Variants in DOCK3 observed in about 807,000 individuals in gnomAD.
DOCK3 encodes dedicator of cytokinesis protein 3.
Under a neutral mutation model 265.6 loss-of-function variants are expected in DOCK3, and 60 were observed. The ratio of observed to expected loss-of-function variants is 0.23; its 90% CI spans 0.18 to 0.28. The LOEUF (loss-of-function observed/expected upper bound fraction) is 0.28. Ranked by LOEUF, DOCK3 falls within the 10% of genes least tolerant of loss-of-function variation. The pLI is 1.00. For missense variants in DOCK3, 1,981 were observed against 2,594.3 expected, an observed-to-expected ratio of 0.76 and a Z score of 5.14; for synonymous variants, 881 against 938.0, an observed-to-expected ratio of 0.94 and a Z score of 1.11.
At chr3:50,821,707 A>G (rs1006518910) in intron 2 of DOCK3, among the ~76,000 whole-genome samples, 6 of 152,224 alleles carry the variant, frequency 3.9e-5, no homozygotes, top group African/African-American at 1.2e-4. Flanking sequence ...ATTCTTCTGC[A>G]TATGGCTAGG....
At chr3:51,034,727 C>A (rs921166951) in intron 5 of DOCK3, among the ~76,000 whole-genome samples, 1 of 151,936 alleles carries the variant, frequency 6.6e-6, no homozygotes, top group African/African-American at 2.4e-5. Flanking sequence ...TGGAGTTTCC[C>A]CTTGGGAAAG....
At chr3:51,083,503 G>C (rs1165484598) in intron 7 of DOCK3, among the ~76,000 whole-genome samples, 1 of 152,066 alleles carries the variant, frequency 6.6e-6, no homozygotes, top group African/African-American at 2.4e-5. Context: ...GATTAAAGAA[G>C]CTCAGTGAGA....
At chr3:51,283,531 AACAG>A (rs1279104482) in intron 27 of DOCK3, among the ~76,000 whole-genome samples, 2 of 152,322 alleles carry the variant, frequency 1.3e-5, no homozygotes, top group East Asian at 1.9e-4. Flanking sequence ...GTCTCTCAGG[AACAG>A]ACAAACTCTT....
intron 2 of DOCK3, among the ~76,000 whole-genome samples, chr3:50,785,685 T>G (rs1261720636): frequency 6.6e-6 from 1 of 152,222 alleles, no homozygotes; most frequent in Non-Finnish European, 1.5e-5. Flanking sequence ...GTGGATTATC[T>G]TTTAATATAC....
chr3:50,931,019 T>C (rs1319000542), intron 4 of DOCK3, among the ~76,000 whole-genome samples: 7 of 152,078 alleles, frequency 4.6e-5, no homozygotes, highest in Admixed American at 1.3e-4. Context: ...TGCCCGGCTG[T>C]GTAAGGGTGA....
intron 5 of DOCK3, among the ~76,000 whole-genome samples, chr3:50,936,855 A>G (rs531337869): frequency 6.6e-6 from 1 of 152,364 alleles, no homozygotes; most frequent in South Asian, 2.1e-4. Flanking sequence ...TGCTTGGAAC[A>G]TTAGGAATGA....
chr3:51,058,440 A>C (rs535032447), intron 5 of DOCK3, among the ~76,000 whole-genome samples: 1 of 152,284 alleles, frequency 6.6e-6, no homozygotes, highest in East Asian at 1.9e-4. Context: ...ATGCCTTAAA[A>C]GACTACATTT....
At chr3:51,031,719 T>C (rs2080055281) in intron 5 of DOCK3, among the ~76,000 whole-genome samples, 1 of 152,192 alleles carries the variant, frequency 6.6e-6, no homozygotes, top group African/African-American at 2.4e-5. Flanking sequence ...TAAGCCCCAA[T>C]GCAGAAGTAT....
At chr3:51,306,023 CTTTTTTT>C (rs573396023) in intron 27 of DOCK3, among the ~76,000 whole-genome samples, 2 of 139,200 alleles carry the variant, frequency 1.4e-5, no homozygotes, top group Non-Finnish European at 3.1e-5. Context: ...TTTTTTTTTT[CTTTTTTT>C]TTTTAAATTT....
chr3:51,132,170 A>G (rs1450146729), intron 9 of DOCK3, among the ~76,000 whole-genome samples: 1 of 152,172 alleles, frequency 6.6e-6, no homozygotes, highest in Non-Finnish European at 1.5e-5. Flanking sequence ...TAACTCCCCA[A>G]GCTGCAATAT....
intron 5 of DOCK3, among the ~76,000 whole-genome samples, chr3:51,049,013 C>G (rs2080886177): frequency 6.6e-6 from 1 of 152,148 alleles, no homozygotes; most frequent in Non-Finnish European, 1.5e-5. Context: ...TCTCTACTTA[C>G]AATGCTGTGT....
intron 2 of DOCK3, among the ~76,000 whole-genome samples, chr3:50,822,322 G>A (rs906456956): frequency 4.6e-5 from 7 of 152,112 alleles, no homozygotes; most frequent in African/African-American, 1.7e-4. Flanking sequence ...TGTTATTGGT[G>A]TATAGAAATG....
At chr3:51,100,048 T>TAAAGAAAG (rs10662173) in intron 9 of DOCK3, among the ~76,000 whole-genome samples, 6 of 151,174 alleles carry the variant, frequency 4.0e-5, no homozygotes, top group South Asian at 4.2e-4. Context: ...AAAAACTAGA[T>TAAAGAAAG]AAAGAAAGAA....
intron 9 of DOCK3, among the ~76,000 whole-genome samples, chr3:51,141,964 G>T (rs79575005): frequency 1.4e-5 from 2 of 148,096 alleles, no homozygotes; most frequent in African/African-American, 5.0e-5. Flanking sequence ...TTTTGGAAGT[G>T]GTTTTTTTTT....
intron 49 of DOCK3, among the ~76,000 whole-genome samples, chr3:51,370,843 A>C (rs2087622498): frequency 6.6e-6 from 1 of 152,234 alleles, no homozygotes; most frequent in Non-Finnish European, 1.5e-5. Context: ...GGAATCATCT[A>C]AAAGCTCAGG....
intron 5 of DOCK3, among the ~76,000 whole-genome samples, chr3:50,959,816 G>A (rs1433251055): frequency 6.6e-6 from 1 of 152,044 alleles, no homozygotes; most frequent in Non-Finnish European, 1.5e-5. Context: ...TCCTGACCTC[G>A]TGATCTGCCC....
chr3:50,677,811 A>T (rs2034095029), intron 1 of DOCK3, among the ~76,000 whole-genome samples: 1 of 152,186 alleles, frequency 6.6e-6, no homozygotes, highest in African/African-American at 2.4e-5. Context: ...ATAATATAGG[A>T]ATTCTGTACA....
intron 15 of DOCK3, 39 bp downstream of exon 15, chr3:51,225,812 T>C: frequency 6.3e-7 from 1 of 1,586,332 alleles, no homozygotes; most frequent in East Asian, 2.3e-5. Context: ...TGGAGGATAA[T>C]CCTATAATAA....
intron 1 of DOCK3, among the ~76,000 whole-genome samples, chr3:50,700,115 A>G (rs1421872072): frequency 1.3e-5 from 2 of 152,110 alleles, no homozygotes; most frequent in African/African-American, 2.4e-5. Context: ...CCCCGTCTCT[A>G]CTAAAAATAT....
Sources: allele counts gnomAD v4.1 joint callset (sites outside exome capture counted in the v4.1 genomes callset), GRCh38; gene constraint gnomAD v4.1.1; transcripts MANE v1.5; gene names NCBI Gene and HGNC (gene_info 2026-07-23, HGNC 2026-07-21).